The following MLEC variants were observed in gnomAD, a reference collection of about 807,000 sequenced individuals.
MLEC encodes malectin.
In MLEC, 7 loss-of-function variants were observed where a neutral mutation model predicts 28.7. The observed-to-expected ratio is 0.24, with a 90% confidence interval of 0.14 to 0.46. The LOEUF (loss-of-function observed/expected upper bound fraction) is 0.46, where lower values mean the gene tolerates loss of function less well. Ranked by LOEUF, MLEC falls within the 20% of genes least tolerant of loss-of-function variation. The pLI is 0.99. For synonymous variants in MLEC, 142 were observed against 164.4 expected (o/e 0.86, Z 1.04); for missense variants, 237 against 391.1 (o/e 0.61, Z 3.32).
chr12:120,687,253 G>T lies in MLEC; in HGVS notation c.-44G>T. 7.4e-7 allele frequency: 1 copy of T among 1,360,290 alleles called. No individual in the cohort carries two copies. The highest frequency in any genetic ancestry group is 9.4e-7 in the Non-Finnish European group (1 of 1,062,514). The allele number at this position is 1,360,290 out of a possible 1,614,324, so 84.3% of individuals were successfully genotyped here. A position where few individuals can be genotyped will look rare whatever the true frequency, so the allele number is the denominator to read the frequency against. Reference sequence around the variant, plus strand: ...GTCCGGGGTGGCCTGGCAGCCGGCCGAGGACGAGGGTCGGCGGGGGCTGCC... The same window carrying T: ...GTCCGGGGTGGCCTGGCAGCCGGCCTAGGACGAGGGTCGGCGGGGGCTGCC... On this transcript the variant is annotated 5_prime_UTR_variant, in exon 1 of 5. Transcript: ENST00000228506. This position sits in a 1 kb window ranked among gnomAD's most constrained non-coding sequence, Gnocchi z 8.1.
chr12:120,701,040 C>G lies in MLEC; in HGVS notation c.*4495C>G, dbSNP rs892383929. 2 of 152,234 alleles carry G rather than the reference C, an allele frequency of 1.3e-5. No individual in the cohort carries two copies. The highest frequency in any genetic ancestry group is 6.5e-5 in the Admixed American group (1 of 15,278). 9.4% of individuals were successfully genotyped at this position (152,234 alleles called of 1,614,324 possible). On this transcript the variant is annotated 3_prime_UTR_variant, in exon 5 of 5. Transcript: ENST00000228506. The surrounding 1 kb of genome is among the most constrained non-coding windows in gnomAD (Gnocchi z 4.0). ...AGGATTGTGCTGGCAGCCAAGGAAACAGTAGTGCCTGTTTGAGTTGGCAGA... is the reference window on the plus strand; with the variant it reads ...AGGATTGTGCTGGCAGCCAAGGAAAGAGTAGTGCCTGTTTGAGTTGGCAGA...
At chr12:120,695,992 AG>A (rs1566014524) in intron 4 of MLEC, among the ~76,000 whole-genome samples, 1 of 152,132 alleles carries the variant, frequency 6.6e-6, no homozygotes, top group Non-Finnish European at 1.5e-5. Context: ...TGGGAGGAGG[AG>A]GGATTTGAAA....
chr12:120,696,866 C>T lies in MLEC; in HGVS notation c.*321C>T. On this transcript the variant is annotated 3_prime_UTR_variant, in exon 5 of 5. Coordinates refer to ENST00000228506, the MANE Select transcript of MLEC (RefSeq NM_014730.4). This position sits in a 1 kb window ranked among gnomAD's most constrained non-coding sequence, Gnocchi z 5.4. ...TATACCTAGTGGAAAGGACTCTGAACTCAGAGGAGTCACTGTTCCTTTTTT... is the reference window on the plus strand; with the variant it reads ...TATACCTAGTGGAAAGGACTCTGAATTCAGAGGAGTCACTGTTCCTTTTTT... 3.3e-6 allele frequency: 1 copy of T among 300,806 alleles called. No homozygotes were observed. Among genetic ancestry groups the T allele is most frequent in the East Asian group, 7.2e-5 (1 of 13,942 alleles). The allele number at this position is 300,806 out of a possible 1,614,324, so 18.6% of individuals were successfully genotyped here.
At chr12:120,689,525 T>G (rs1392436579) in intron 1 of MLEC, among the ~76,000 whole-genome samples, 5 of 152,220 alleles carry the variant, frequency 3.3e-5, no homozygotes, top group Non-Finnish European at 1.5e-5. Flanking sequence ...TTGGACCAGC[T>G]TGTTGCAACA....
At position 120,700,324 on chromosome 12, in the gene MLEC, G is replaced by A. The variant is rs1338118835; in HGVS notation, c.*3779G>A. 2 of 152,758 alleles carry A rather than the reference G, an allele frequency of 1.3e-5. No individual in the cohort carries two copies. The highest frequency in any genetic ancestry group is 2.4e-5 in the African/African-American group (1 of 41,440). 9.5% of individuals were successfully genotyped at this position (152,758 alleles called of 1,614,324 possible). On this transcript the variant is annotated 3_prime_UTR_variant, in exon 5 of 5. Transcript: ENST00000228506. This position sits in a 1 kb window ranked among gnomAD's most constrained non-coding sequence, Gnocchi z 4.0. Reference sequence around the variant, plus strand: ...TGGCCTACTCTGGCATAATTCAAGTGTCTTCTTGCCTTGGGGATCCTTAGT... The same window carrying A: ...TGGCCTACTCTGGCATAATTCAAGTATCTTCTTGCCTTGGGGATCCTTAGT...
rs758206205 is a variant in MLEC at position 120,696,340 on chromosome 12, C to T, written c.674C>T (p.Pro225Leu). 4 of 1,613,902 alleles carry T rather than the reference C, an allele frequency of 2.5e-6. No homozygotes were observed. The highest frequency in any genetic ancestry group is 3.4e-6 in the Non-Finnish European group (4 of 1,179,974). ...VDDVPKLQPH[P>L]GLEKKEEEEE... ...GATGTACCAAAGCTTCAGCCTCATCCGGGATTGGAGAAGAAAGAAGAGGAA... is the reference window on the plus strand; with the variant it reads ...GATGTACCAAAGCTTCAGCCTCATCTGGGATTGGAGAAGAAAGAAGAGGAA... The change falls in exon 5 of 5, where the codon CCG (proline) becomes CTG (leucine). Residue 225 changes from proline (P) to leucine (L), a missense_variant. Coordinates refer to ENST00000228506, the MANE Select transcript of MLEC (RefSeq NM_014730.4). This position sits in a 1 kb window ranked among gnomAD's most constrained non-coding sequence, Gnocchi z 5.4.
chr12:120,688,841 C>T (rs11608572), intron 1 of MLEC, among the ~76,000 whole-genome samples: 2 of 152,214 alleles, frequency 1.3e-5, no homozygotes, highest in Non-Finnish European at 2.9e-5. Context: ...TCACAGTAGC[C>T]TGGGTTCAGC....
intron 1 of MLEC, among the ~76,000 whole-genome samples, chr12:120,689,908 GTGTAGTTTCTT>G (rs1778181027): frequency 3.3e-5 from 5 of 152,212 alleles, no homozygotes; most frequent in Admixed American, 3.3e-4. Context: ...TGCTGTTTCT[GTGTAGTTTCTT>G]TGTAGTTCAA....
At position 120,696,305 on chromosome 12, in the gene MLEC, C is replaced by T; in HGVS notation, c.650-11C>T. 1 of 1,613,554 alleles carries T rather than the reference C, an allele frequency of 6.2e-7. No homozygotes were observed. Among genetic ancestry groups the T allele is most frequent in the Non-Finnish European group, 8.5e-7 (1 of 1,179,860 alleles). On this transcript the variant is annotated splice_polypyrimidine_tract_variant and intron_variant, in intron 4 of 4. Coordinates refer to ENST00000228506, the MANE Select transcript of MLEC (RefSeq NM_014730.4). This position sits in a 1 kb window ranked among gnomAD's most constrained non-coding sequence, Gnocchi z 5.4. ...CTGTGGGTCTTAACAGTGTTTTCTT[C>T]CTTGTGTTAGATGTACCAAAGCTTC...
intron 1 of MLEC, among the ~76,000 whole-genome samples, chr12:120,688,524 G>A (rs1191673117): frequency 6.6e-6 from 1 of 152,172 alleles, no homozygotes; most frequent in African/African-American, 2.4e-5. Context: ...GTTTCAGAAG[G>A]AAGTTCTTTG....
At chr12:120,690,677 C>G (rs142371437) in intron 1 of MLEC, among the ~76,000 whole-genome samples, 33 of 152,252 alleles carry the variant, frequency 2.2e-4, no homozygotes, top group African/African-American at 7.7e-4. Flanking sequence ...GGACCAGAGC[C>G]TATCAGGTTG....
rs1882218768 is a variant in MLEC at position 120,696,070 on chromosome 12, T to C, written c.650-246T>C. Among the ~76,000 whole-genome samples the C allele has an allele frequency of 6.6e-6, 1 of 152,200 alleles. No homozygotes were observed. Among genetic ancestry groups the C allele is most frequent in the Non-Finnish European group, 1.5e-5 (1 of 68,038 alleles). On this transcript the variant is annotated intron_variant, in intron 4 of 4. Transcript: ENST00000228506. This position sits in a 1 kb window ranked among gnomAD's most constrained non-coding sequence, Gnocchi z 5.4. ...TGGTTATCTTGGGGCTCTGTAAAAGTAGAACAGGAAGGTAAGATAGTGAAC... is the reference window on the plus strand; with the variant it reads ...TGGTTATCTTGGGGCTCTGTAAAAGCAGAACAGGAAGGTAAGATAGTGAAC...
chr12:120,690,435 A>T (rs1165587485), intron 1 of MLEC, among the ~76,000 whole-genome samples: 1 of 152,250 alleles, frequency 6.6e-6, no homozygotes, highest in African/African-American at 2.4e-5. Context: ...TCCTCTTCAG[A>T]GAAAGATACC....
chr12:120,692,810 T>A (rs1025529214), intron 1 of MLEC, among the ~76,000 whole-genome samples: 1 of 151,556 alleles, frequency 6.6e-6, no homozygotes, highest in African/African-American at 2.4e-5. Flanking sequence ...TGGAACAGTA[T>A]ATTTATGGAG....
rs1312925343 is a variant in MLEC, at chr12:120,699,130, C to T, written c.*2585C>T. ...AAGTTTAGGTTAAAGGGGTGGGATT[C>T]TTTATTTTTATTTTTGTATTGTATG... On this transcript the variant is annotated 3_prime_UTR_variant, in exon 5 of 5. Transcript: ENST00000228506. 6.6e-6 allele frequency: 1 copy of T among 152,368 alleles called. No individual in the cohort carries two copies. The highest frequency in any genetic ancestry group is 1.5e-5 in the Non-Finnish European group (1 of 67,974). The allele number at this position is 152,368 out of a possible 1,614,324, so 9.4% of individuals were successfully genotyped here. A position where few individuals can be genotyped will look rare whatever the true frequency, so the allele number is the denominator to read the frequency against.
At position 120,698,369 on chromosome 12, in the gene MLEC, A is replaced by C. The variant is rs960523417; in HGVS notation, c.*1824A>C. The C allele has an allele frequency of 6.6e-6, 1 of 152,078 alleles. No individual in the cohort carries two copies. The highest frequency in any genetic ancestry group is 2.4e-5 in the African/African-American group (1 of 41,370). 9.4% of individuals were successfully genotyped at this position (152,078 alleles called of 1,614,324 possible). On this transcript the variant is annotated 3_prime_UTR_variant, in exon 5 of 5. Coordinates refer to ENST00000228506, the MANE Select transcript of MLEC (RefSeq NM_014730.4). ...ATTGTAGCCTGTTGTTTTCGCTGTG[A>C]CTTGGGTCTCAGTGCTAGGGTATTG...
intron 4 of MLEC, 106 bp downstream of exon 4, chr12:120,695,258 T>C (rs1461025316): frequency 8.3e-7 from 1 of 1,205,508 alleles, no homozygotes. Context: ...CACTTAAAGC[T>C]AAATTGTAGG....
Position 120,694,396 on chromosome 12 carries a change from TG to T in MLEC, c.414+128del. On this transcript the variant is annotated intron_variant, in intron 2 of 4. Transcript: ENST00000228506. The surrounding 1 kb of genome is among the most constrained non-coding windows in gnomAD (Gnocchi z 4.5). Reference sequence around the variant, plus strand: ...AGAACAGATGAGCTCTAGAGAAGCATGTTCCATAGTGCACAAGGCTGCACTT... The same window carrying T: ...AGAACAGATGAGCTCTAGAGAAGCATTTCCATAGTGCACAAGGCTGCACTT... The T allele has an allele frequency of 1.0e-6, 1 of 962,012 alleles. No individual in the cohort carries two copies. The highest frequency in any genetic ancestry group is 1.6e-5 in the African/African-American group (1 of 61,004). 59.6% of individuals were successfully genotyped at this position (962,012 alleles called of 1,614,324 possible).
intron 1 of MLEC, among the ~76,000 whole-genome samples, chr12:120,692,304 G>A (rs1882071023): frequency 6.6e-6 from 1 of 152,192 alleles, no homozygotes; most frequent in Non-Finnish European, 1.5e-5. Context: ...GAGCTCAGTT[G>A]GAAGAGAAAC....
Sources: allele counts gnomAD v4.1 joint callset (sites outside exome capture counted in the v4.1 genomes callset), GRCh38; gene constraint gnomAD v4.1.1; non-coding constraint Gnocchi (gnomAD v3.1); transcripts MANE v1.5; gene names NCBI Gene and HGNC (gene_info 2026-07-23, HGNC 2026-07-21).